The following GALNT17 variants were observed in gnomAD, a reference collection of about 807,000 sequenced individuals.
The protein encoded by GALNT17 is UDP-GalNAc:polypeptide N-acetylgalactosaminyltransferase-like 3.
GALNT17 carries 29 observed loss-of-function variants against 63.7 expected under a neutral mutation model. The ratio of observed to expected loss-of-function variants is 0.46; its 90% CI spans 0.34 to 0.62. The LOEUF (loss-of-function observed/expected upper bound fraction) is 0.62, where lower values mean the gene tolerates loss of function less well. GALNT17 is among the 20% of genes least tolerant of loss of function. GALNT17 has a pLI of 0.01. For missense variants in GALNT17, 603 were observed against 799.6 expected (o/e 0.75, Z 2.97); for synonymous variants, 305 against 318.3 (o/e 0.96, Z 0.45).
Position 71,477,285 on chromosome 7 carries a change from TGAGTGG to T in GALNT17, c.962+56183_962+56188del, listed in dbSNP as rs1487742012. ...CCAGTGGAAGAGAATAATGGGATTA[TGAGTGG>T]GAACTCCTCAGAACATCCAGGAGTT... On this transcript the variant is annotated intron_variant, in intron 5 of 10. Coordinates refer to ENST00000333538, the MANE Select transcript of GALNT17 (RefSeq NM_022479.3). 6.6e-5 allele frequency among the ~76,000 whole-genome samples: 10 copies of T among 152,282 alleles called. No individual in the cohort carries two copies. The South Asian group carries it at 2.1e-3, about 32-fold the overall frequency.
At chr7:71,551,907 C>G (rs1263756849) in intron 5 of GALNT17, among the ~76,000 whole-genome samples, 1 of 152,112 alleles carries the variant, frequency 6.6e-6, no homozygotes, top group African/African-American at 2.4e-5. Context: ...GCCTCTGATT[C>G]CCTTAATGGA....
At chr7:71,148,882 A>ATATATATATATATT (rs1788079843) in intron 1 of GALNT17, among the ~76,000 whole-genome samples, 1 of 141,360 alleles carries the variant, frequency 7.1e-6, no homozygotes, top group African/African-American at 2.7e-5. Context: ...ATATATATAT[A>ATATATATATATATT]TATATATATA....
chr7:71,312,573 G>A (rs1355342334), intron 1 of GALNT17, among the ~76,000 whole-genome samples: 1 of 152,106 alleles, frequency 6.6e-6, no homozygotes, highest in Non-Finnish European at 1.5e-5. Context: ...GAAGGTGCTG[G>A]CAGGGTTGGT....
intron 5 of GALNT17, among the ~76,000 whole-genome samples, chr7:71,454,995 C>T (rs991066647): frequency 2.0e-5 from 3 of 151,748 alleles, no homozygotes; most frequent in Admixed American, 1.3e-4. Flanking sequence ...GGTGAAACCC[C>T]ATTTCTACAA....
intron 1 of GALNT17, among the ~76,000 whole-genome samples, chr7:71,245,848 GTT>G (rs542136452): frequency 7.3e-5 from 9 of 122,856 alleles, no homozygotes; most frequent in Admixed American, 1.7e-4. Flanking sequence ...AAGAGAGCAG[GTT>G]TTTTTTTTTT....
intron 6 of GALNT17, among the ~76,000 whole-genome samples, chr7:71,643,165 G>C (rs898431416): frequency 1.3e-5 from 2 of 149,666 alleles, no homozygotes; most frequent in Non-Finnish European, 3.0e-5. Context: ...ACGCTATTCA[G>C]AACTATCAAA....
chr7:71,386,534 C>T (rs1387981754), intron 2 of GALNT17, among the ~76,000 whole-genome samples: 4 of 152,248 alleles, frequency 2.6e-5, no homozygotes, highest in South Asian at 2.1e-4. Flanking sequence ...GCTCCCTGGA[C>T]GGACTCTCGG....
rs941964090 is a variant in GALNT17, at chr7:71,359,875, A to G, written c.422+24142A>G. ...ATAAAAATTCATGATAATCCAATCCAGGGTTGATTTCCGTTTATATTGCTG... is the reference window on the plus strand; with the variant it reads ...ATAAAAATTCATGATAATCCAATCCGGGGTTGATTTCCGTTTATATTGCTG... On this transcript the variant is annotated intron_variant, in intron 2 of 10. Coordinates refer to ENST00000333538, the MANE Select transcript of GALNT17 (RefSeq NM_022479.3). 3.3e-5 allele frequency among the ~76,000 whole-genome samples: 5 copies of G among 152,170 alleles called. No homozygotes were observed. The South Asian group carries it at 1.0e-3, about 32-fold the overall frequency.
chr7:71,184,926 C>T lies in GALNT17; in HGVS notation c.238+51886C>T, dbSNP rs1437721184. 2.3e-5 allele frequency among the ~76,000 whole-genome samples: 3 copies of T among 127,754 alleles called. 1 individual carries two copies. The highest frequency in any genetic ancestry group is 5.9e-4 in the South Asian group (2 of 3,366). The allele number at this position is 127,754 out of a possible 152,430, so 83.8% of individuals were successfully genotyped here. ...GGGCATTCTCTAACCCACCCTCCCT[C>T]CCTCCCTTCCTCACTTCCTTCCTTC... On this transcript the variant is annotated intron_variant, in intron 1 of 10. Transcript: ENST00000333538.
chr7:71,156,386 A>G (rs1044603746), intron 1 of GALNT17, among the ~76,000 whole-genome samples: 1 of 151,744 alleles, frequency 6.6e-6, no homozygotes, highest in Non-Finnish European at 1.5e-5. Context: ...TTTTGTAGAT[A>G]TGAGGTGGGA....
intron 5 of GALNT17, among the ~76,000 whole-genome samples, chr7:71,422,570 C>T (rs1786685671): frequency 6.6e-6 from 1 of 152,236 alleles, no homozygotes. Context: ...CCCCACTGCT[C>T]AAACCCCTAG....
intron 1 of GALNT17, among the ~76,000 whole-genome samples, chr7:71,317,067 G>A (rs11760210): frequency 0.61 from 92,224 of 151,974 alleles, 28,114 homozygotes; most frequent in African/African-American, 0.63. Flanking sequence ...ACACACCTGC[G>A]GCCTCCGGCT....
At chr7:71,480,609 C>A (rs576065176) in intron 5 of GALNT17, among the ~76,000 whole-genome samples, 1 of 152,138 alleles carries the variant, frequency 6.6e-6, no homozygotes, top group Non-Finnish European at 1.5e-5. Context: ...CAGGTTCAAG[C>A]GATTCACCTG....
rs111854907 is a variant in GALNT17, at chr7:71,584,889, G to A, written c.1080+13487G>A. ...CCTGCCTCAGCCTCCGGAGTAGCTG[G>A]GACTATAGGCGTCCGCCACCACGCC... On this transcript the variant is annotated intron_variant, in intron 6 of 10. Coordinates refer to ENST00000333538, the MANE Select transcript of GALNT17 (RefSeq NM_022479.3). Among the ~76,000 whole-genome samples, 449 of 152,220 alleles carry A rather than the reference G, an allele frequency of 2.9e-3. 2 individuals carry two copies. The highest frequency in any genetic ancestry group is 0.01 in the African/African-American group (426 of 41,540).
intron 1 of GALNT17, among the ~76,000 whole-genome samples, chr7:71,301,350 A>T (rs1009155704): frequency 2.7e-5 from 4 of 147,442 alleles, no homozygotes; most frequent in Admixed American, 2.0e-4. Context: ...ATATTAAAAT[A>T]TATATTTAAT....
At chr7:71,204,142 C>A (rs1239002540) in intron 1 of GALNT17, among the ~76,000 whole-genome samples, 1 of 152,062 alleles carries the variant, frequency 6.6e-6, no homozygotes, top group Non-Finnish European at 1.5e-5. Flanking sequence ...TTCTCAACAC[C>A]ATTTATTAGA....
chr7:71,480,120 C>A (rs1183400570), intron 5 of GALNT17, among the ~76,000 whole-genome samples: 1 of 149,830 alleles, frequency 6.7e-6, no homozygotes, highest in Non-Finnish European at 1.5e-5. Flanking sequence ...AGTCACGGGT[C>A]CACAGCTCTT....
At chr7:71,415,015 A>G (rs997737511) in intron 3 of GALNT17, among the ~76,000 whole-genome samples, 3 of 150,774 alleles carry the variant, frequency 2.0e-5, no homozygotes, top group African/African-American at 7.3e-5. Context: ...AGTTTTATTT[A>G]TTCTTAAAAT....
intron 1 of GALNT17, among the ~76,000 whole-genome samples, chr7:71,206,882 G>A (rs974188412): frequency 4.6e-5 from 7 of 152,076 alleles, no homozygotes; most frequent in Admixed American, 2.0e-4. Flanking sequence ...AAGACGGGCG[G>A]ATCACGAGGT....
Sources: gnomAD v4.1 joint callset for allele counts (sites outside exome capture counted in the v4.1 genomes callset) on GRCh38, gnomAD v4.1.1 for gene constraint, MANE v1.5 for transcripts, NCBI Gene and HGNC (gene_info 2026-07-23, HGNC 2026-07-21) for gene names.